The following FOCAD variants were observed in gnomAD, a reference collection of about 807,000 sequenced individuals.
FOCAD encodes the protein KIAA1797.
Under a neutral mutation model 225.6 loss-of-function variants are expected in FOCAD, and 198 were observed. The ratio of observed to expected loss-of-function variants is 0.88; its 90% CI spans 0.78 to 0.99. The LOEUF (loss-of-function observed/expected upper bound fraction) is 0.99. Among genes scored for constraint, FOCAD ranks in the 50% least tolerant of loss-of-function variants. The pLI, the probability that FOCAD is intolerant of heterozygous loss-of-function variation, is 0.00. For missense variants in FOCAD, 2,713 were observed against 2,123.6 expected (o/e 1.28, Z -5.46); for synonymous variants, 897 against 755.0 (o/e 1.19, Z -3.08).
At chr9:20,695,221 A>G (rs1362634963) in intron 1 of FOCAD, among the ~76,000 whole-genome samples, 1 of 152,106 alleles carries the variant, frequency 6.6e-6, no homozygotes, top group Non-Finnish European at 1.5e-5. Context: ...GAGTATTTTT[A>G]CAGAAGCCTG....
intron 17 of FOCAD, 91 bp downstream of exon 17, chr9:20,866,067 A>C (rs1829201883): frequency 7.3e-6 from 8 of 1,089,932 alleles, no homozygotes; most frequent in South Asian, 6.0e-5. Flanking sequence ...TAAAAAGTAC[A>C]ACTGCCTTGA....
At chr9:20,811,970 A>G (rs182420827) in intron 11 of FOCAD, among the ~76,000 whole-genome samples, 9 of 152,226 alleles carry the variant, frequency 5.9e-5, no homozygotes, top group Non-Finnish European at 1.2e-4. Context: ...ACACACTATT[A>G]TCTTACCATT....
chr9:20,742,392 G>C (rs924969651), intron 5 of FOCAD, among the ~76,000 whole-genome samples: 2 of 152,066 alleles, frequency 1.3e-5, no homozygotes, highest in African/African-American at 4.8e-5. Flanking sequence ...TTTTTCCTTA[G>C]TCTAGTGTGG....
At chr9:20,872,762 AATTTTAGAAC>A (rs2131777742) in intron 18 of FOCAD, 1 of 151,980 alleles carries the variant, frequency 6.6e-6, no homozygotes, top group East Asian at 1.9e-4. Context: ...ACCACAATCT[AATTTTAGAAC>A]ATTTTCCCCC....
chr9:20,747,300 A>G (rs1026615069), intron 5 of FOCAD, among the ~76,000 whole-genome samples: 1 of 152,128 alleles, frequency 6.6e-6, no homozygotes, highest in African/African-American at 2.4e-5. Flanking sequence ...TCTGATTTGG[A>G]CTTATTTTCT....
At chr9:20,701,494 C>G (rs1823940627) in intron 1 of FOCAD, among the ~76,000 whole-genome samples, 1 of 151,940 alleles carries the variant, frequency 6.6e-6, no homozygotes, top group African/African-American at 2.4e-5. Context: ...TGATTATTTA[C>G]TTATTTAAAA....
chr9:20,985,287 A>G (rs1380036978), intron 39 of FOCAD, among the ~76,000 whole-genome samples: 1 of 152,208 alleles, frequency 6.6e-6, no homozygotes, highest in Non-Finnish European at 1.5e-5. Context: ...AGTTTTGAAG[A>G]TCTTCCAAAT....
chr9:20,940,079 A>G lies in FOCAD; in HGVS notation c.3408-4548A>G, dbSNP rs115327199. 6.4e-3 allele frequency among the ~76,000 whole-genome samples: 978 copies of G among 152,138 alleles called. 11 individuals carry two copies. The highest frequency in any genetic ancestry group is 0.022 in the African/African-American group (918 of 41,480). ...GGTTTTCTATCCTTTTTAATGAACA[A>G]CTATATTGAGAGAGAGACGGGTAGG... On this transcript the variant is annotated intron_variant, in intron 28 of 43. Transcript: ENST00000338382.
intron 35 of FOCAD, among the ~76,000 whole-genome samples, chr9:20,962,138 T>C (rs112794808): frequency 6.6e-6 from 1 of 152,088 alleles, no homozygotes; most frequent in African/African-American, 2.4e-5. Context: ...TGGGGGAAGA[T>C]AGGGGCTTCC....
chr9:20,855,192 CT>C (rs1828043887), intron 15 of FOCAD, among the ~76,000 whole-genome samples: 1 of 151,516 alleles, frequency 6.6e-6, no homozygotes, highest in Non-Finnish European at 1.5e-5. Context: ...TTTATTAAAA[CT>C]TTCCCATGTA....
At chr9:20,993,166 C>T in intron 42 of FOCAD, 87 bp from the exon 43 acceptor site, 2 of 1,104,396 alleles carry the variant, frequency 1.8e-6, no homozygotes, top group Non-Finnish European at 2.7e-6. Flanking sequence ...GGAAAATCAC[C>T]TCATATATAT....
At chr9:20,801,203 A>T (rs984242292) in intron 11 of FOCAD, among the ~76,000 whole-genome samples, 3 of 152,132 alleles carry the variant, frequency 2.0e-5, no homozygotes, top group Non-Finnish European at 4.4e-5. Flanking sequence ...ATGTTTTAAT[A>T]TATTCATCTA....
intron 20 of FOCAD, 70 bp downstream of exon 20, chr9:20,882,126 G>T: frequency 7.4e-7 from 1 of 1,348,644 alleles, no homozygotes; most frequent in Non-Finnish European, 1.0e-6. Flanking sequence ...TTTCAAGTAG[G>T]ATATAATGGG....
intron 41 of FOCAD, among the ~76,000 whole-genome samples, chr9:20,989,666 T>A (rs944244413): frequency 2.2e-4 from 33 of 152,054 alleles, no homozygotes; most frequent in Non-Finnish European, 3.2e-4. Context: ...AAACATTTTT[T>A]AAAAAAAATG....
intron 1 of FOCAD, among the ~76,000 whole-genome samples, chr9:20,708,836 G>C (rs1329000500): frequency 1.3e-5 from 2 of 151,774 alleles, no homozygotes; most frequent in Non-Finnish European, 2.9e-5. Context: ...GACTGCCCTT[G>C]AGCCGTTCCT....
At chr9:20,863,639 G>T (rs1828977354) in intron 16 of FOCAD, 1 of 152,028 alleles carries the variant, frequency 6.6e-6, no homozygotes, top group East Asian at 1.9e-4. Context: ...CTTAAAAAAA[G>T]AATCAATTTG....
chr9:20,789,555 C>A lies in FOCAD; in HGVS notation c.1402C>A (p.Leu468Ile), dbSNP rs1364698545. The change falls in exon 11 of 44, where the codon CTT becomes ATT. Residue 468 changes from leucine to isoleucine, a missense_variant. Leu to Ile is a conservative substitution (Grantham distance 5, BLOSUM62 2). Transcript: ENST00000338382. ...HLLVEDKGQN[L>I]HQILKVTTEL... is the part of the protein sequence containing the mutation. ...CCTTGTTGAAGACAAAGGACAAAAT[C>A]TTCACCAAATACTCAAGGTCACTAC... is the stretch of plus-strand genomic sequence containing the variant. 1.9e-6 allele frequency: 3 copies of A among 1,613,856 alleles called. No individual in the cohort carries two copies. Among genetic ancestry groups the A allele is most frequent in the Non-Finnish European group, 2.5e-6 (3 of 1,179,968 alleles).
At chr9:20,867,079 TC>T (rs2131731035) in intron 18 of FOCAD, 67 bp downstream of exon 18, 2 of 1,005,474 alleles carry the variant, frequency 2.0e-6, no homozygotes, top group Non-Finnish European at 3.1e-6. Flanking sequence ...TTCTCTCTCA[TC>T]TTAGGAGATA....
chr9:20,866,446 G>A (rs940263167), intron 17 of FOCAD, among the ~76,000 whole-genome samples: 3 of 151,910 alleles, frequency 2.0e-5, no homozygotes, highest in Non-Finnish European at 2.9e-5. Context: ...GTGGAGAATC[G>A]GAATCCAAAC....
Sources: gnomAD v4.1 joint callset for allele counts (sites outside exome capture counted in the v4.1 genomes callset) on GRCh38, gnomAD v4.1.1 for gene constraint, MANE v1.5 for transcripts, NCBI Gene and HGNC (gene_info 2026-07-23, HGNC 2026-07-21) for gene names.